TRIO: variants seen among roughly 807,000 people sequenced by gnomAD.
TRIO encodes triple functional domain protein.
A neutral mutation model predicts 351.9 loss-of-function variants in TRIO; 58 were observed. That is an observed-to-expected ratio of 0.16 (90% CI 0.13 to 0.21). The LOEUF (loss-of-function observed/expected upper bound fraction) is 0.21, where lower values mean the gene tolerates loss of function less well. Ranked by LOEUF, TRIO falls within the 10% of genes least tolerant of loss-of-function variation. The pLI is 1.00. For synonymous variants in TRIO, 1,758 were observed against 1,595.7 expected, an observed-to-expected ratio of 1.10 and a Z score of -2.42; for missense variants, 3,201 against 4,027.8, an observed-to-expected ratio of 0.79 and a Z score of 5.56.
chr5:14,460,910 G>A (rs1354869113), intron 34 of TRIO, 109 bp from the exon 35 acceptor site: 12 of 1,321,542 alleles, frequency 9.1e-6, no homozygotes, highest in Admixed American at 5.9e-5. Context: ...GCCCGCTGAC[G>A]AGGCATCCAG....
intron 1 of TRIO, among the ~76,000 whole-genome samples, chr5:14,239,817 A>G (rs1226157024): frequency 6.6e-6 from 1 of 152,224 alleles, no homozygotes; most frequent in African/African-American, 2.4e-5. Flanking sequence ...GGAACTGTGT[A>G]GGATCTGAAA....
chr5:14,502,164 G>A (rs1264869873), intron 53 of TRIO, among the ~76,000 whole-genome samples: 4 of 152,198 alleles, frequency 2.6e-5, no homozygotes, highest in Non-Finnish European at 5.9e-5. Context: ...TAGCCTCGAG[G>A]TGGTGCGGCC....
chr5:14,391,638 G>T (rs1747090179), intron 27 of TRIO, among the ~76,000 whole-genome samples: 1 of 152,176 alleles, frequency 6.6e-6, no homozygotes, highest in Non-Finnish European at 1.5e-5. Context: ...TCCAGAACTT[G>T]GTCAAATATG....
chr5:14,172,115 A>G (rs1789134835), intron 1 of TRIO, among the ~76,000 whole-genome samples: 1 of 152,146 alleles, frequency 6.6e-6, no homozygotes, highest in Admixed American at 6.5e-5. Flanking sequence ...ATTCATTAGG[A>G]CACTAATAAG....
intron 28 of TRIO, among the ~76,000 whole-genome samples, chr5:14,396,261 G>T (rs892893926): frequency 1.3e-5 from 2 of 151,744 alleles, no homozygotes; most frequent in East Asian, 3.9e-4. Flanking sequence ...AACTCATGCG[G>T]TGTTACTGTT....
chr5:14,405,904 G>A lies in TRIO; in HGVS notation c.4773G>A (p.Gln1591=). The A allele has an allele frequency of 6.2e-7, 1 of 1,613,982 alleles. No individual in the cohort carries two copies. Among genetic ancestry groups the A allele is most frequent in the African/African-American group, 1.3e-5 (1 of 74,978 alleles). The change falls in exon 32 of 57, where the codon CAG becomes CAA. Residue 1591 remains glutamine (Q), a synonymous_variant. Coordinates refer to ENST00000344204, the MANE Select transcript of TRIO (RefSeq NM_007118.4). ...TAAAGCATATCCGCGAAGTCATCCA[G>A]GAGCGGACGATCCACCTGAAGGGAG... ...DWIKHIREVI[Q]ERTIHLKGAL...
At chr5:14,281,690 G>A (rs1315549836) in intron 3 of TRIO, among the ~76,000 whole-genome samples, 1 of 152,162 alleles carries the variant, frequency 6.6e-6, no homozygotes, top group Non-Finnish European at 1.5e-5. Flanking sequence ...GAGTCCTCAG[G>A]TGTCTCTTTT....
chr5:14,185,378 TG>T (rs1265372916), intron 1 of TRIO, among the ~76,000 whole-genome samples: 1 of 152,220 alleles, frequency 6.6e-6, no homozygotes, highest in South Asian at 2.1e-4. Flanking sequence ...TGGGCCTAAC[TG>T]GGGTGGGCAC....
chr5:14,192,260 C>CT lies in TRIO; in HGVS notation c.157+48389dup, dbSNP rs754026270. Among the ~76,000 whole-genome samples the CT allele has an allele frequency of 9.6e-3, 1,155 of 120,076 alleles. 13 individuals are homozygous for CT. The highest frequency in any genetic ancestry group is 0.034 in the African/African-American group (1,014 of 29,690). 78.8% of individuals were successfully genotyped at this position (120,076 alleles called of 152,430 possible). ...CTTTATTCCCTTTTTTTTCCTTCTT[C>CT]TTTTTTTTTTTCCCCCAAGAACAGA... On this transcript the variant is annotated intron_variant, in intron 1 of 56. Transcript: ENST00000344204.
intron 37 of TRIO, among the ~76,000 whole-genome samples, chr5:14,468,070 T>C (rs960257094): frequency 6.6e-6 from 1 of 152,244 alleles, no homozygotes; most frequent in Non-Finnish European, 1.5e-5. Flanking sequence ...CTGGCCACTA[T>C]TCTGCAGCTG....
intron 1 of TRIO, among the ~76,000 whole-genome samples, chr5:14,243,034 C>T (rs1220799977): frequency 6.6e-6 from 1 of 152,230 alleles, no homozygotes; most frequent in Non-Finnish European, 1.5e-5. Flanking sequence ...CTCACAGCCA[C>T]ATCTGCAAAG....
chr5:14,236,913 A>G (rs538381937), intron 1 of TRIO, among the ~76,000 whole-genome samples: 1 of 152,246 alleles, frequency 6.6e-6, no homozygotes, highest in South Asian at 2.1e-4. Flanking sequence ...TGCCTATGAA[A>G]CAACCTGTTT....
intron 1 of TRIO, among the ~76,000 whole-genome samples, chr5:14,163,159 T>G (rs1788573105): frequency 6.6e-6 from 1 of 152,172 alleles, no homozygotes; most frequent in South Asian, 2.1e-4. Context: ...ATGCCCTCCC[T>G]CCCTTTGCCC....
intron 12 of TRIO, among the ~76,000 whole-genome samples, 173 bp from the exon 13 acceptor site, chr5:14,359,184 C>T (rs1026857666): frequency 1.3e-5 from 2 of 152,218 alleles, no homozygotes; most frequent in Non-Finnish European, 2.9e-5. Flanking sequence ...CAGGATTGCC[C>T]CGAGGAGGAA....
At chr5:14,414,991 A>T (rs1475493482) in intron 33 of TRIO, among the ~76,000 whole-genome samples, 4 of 152,164 alleles carry the variant, frequency 2.6e-5, no homozygotes, top group African/African-American at 2.4e-5. Context: ...TAGCAATAGC[A>T]CTGTACTCTC....
intron 34 of TRIO, among the ~76,000 whole-genome samples, chr5:14,447,822 C>T (rs1282291326): frequency 6.6e-6 from 1 of 152,156 alleles, no homozygotes; most frequent in Non-Finnish European, 1.5e-5. Context: ...ACTATTATGC[C>T]CATGGGTTCA....
At chr5:14,458,609 C>G (rs1397755977) in intron 34 of TRIO, among the ~76,000 whole-genome samples, 1 of 152,216 alleles carries the variant, frequency 6.6e-6, no homozygotes, top group Non-Finnish European at 1.5e-5. Flanking sequence ...AGTGGGAAAT[C>G]GGGGGCTTGG....
chr5:14,326,682 A>T (rs903459342), intron 9 of TRIO, among the ~76,000 whole-genome samples: 15 of 152,234 alleles, frequency 9.9e-5, no homozygotes, highest in African/African-American at 3.6e-4. Flanking sequence ...AATAGATAAC[A>T]GGACTGTCTG....
chr5:14,293,147 G>T lies in TRIO; in HGVS notation c.1176+13G>T, dbSNP rs1291088956. 1.2e-6 allele frequency: 2 copies of T among 1,613,860 alleles called. No individual in the cohort carries two copies. Among genetic ancestry groups the T allele is most frequent in the African/African-American group, 1.3e-5 (1 of 74,910 alleles). On this transcript the variant is annotated intron_variant, in intron 6 of 56. Transcript: ENST00000344204. ...CATGAACTGTATGGTAAGACACTCG[G>T]AACAGCTGGACCCTGGCATGTGACA...
Sources: allele counts gnomAD v4.1 joint callset (sites outside exome capture counted in the v4.1 genomes callset), GRCh38; gene constraint gnomAD v4.1.1; transcripts MANE v1.5; gene names NCBI Gene and HGNC (gene_info 2026-07-23, HGNC 2026-07-21).